Variants in CD247 observed in about 807,000 individuals in gnomAD.
The protein encoded by CD247 is CD247 molecule.
A neutral mutation model predicts 30.0 loss-of-function variants in CD247; 13 were observed. That is an observed-to-expected ratio of 0.43 (90% CI 0.28 to 0.69). The LOEUF (loss-of-function observed/expected upper bound fraction) is 0.69. Among genes scored for constraint, CD247 ranks in the 30% least tolerant of loss-of-function variants. The pLI is 0.16. For synonymous variants in CD247, 72 were observed against 80.0 expected, an observed-to-expected ratio of 0.90 and a Z score of 0.53; for missense variants, 193 against 212.6, an observed-to-expected ratio of 0.91 and a Z score of 0.57.
Position 167,482,008 on chromosome 1 carries a change from C to T in CD247, c.58+36400G>A, listed in dbSNP as rs988441974. Among the ~76,000 whole-genome samples the T allele has an allele frequency of 9.8e-5, 15 of 152,324 alleles. No individual in the cohort carries two copies. In the East Asian group the frequency reaches 2.9e-3, roughly 29 times the overall value. On this transcript the variant is annotated intron_variant, in intron 1 of 7. Transcript: ENST00000362089. Reference sequence around the variant, plus strand: ...CCCTGCCTAAGAACCTGCCCACTCCCTCTTCTGCCTCTCAACCAAGACTTC... The same window carrying T: ...CCCTGCCTAAGAACCTGCCCACTCCTTCTTCTGCCTCTCAACCAAGACTTC...
chr1:167,518,095 T>TGGGCCTGCCTC (rs1388796693), intron 1 of CD247, among the ~76,000 whole-genome samples: 2 of 152,166 alleles, frequency 1.3e-5, no homozygotes, highest in African/African-American at 4.8e-5. Context: ...TCCCTCTCCG[T>TGGGCCTGCCTC]TTCTCTACCC....
intron 4 of CD247, among the ~76,000 whole-genome samples, chr1:167,435,848 C>T (rs1476626970): frequency 6.6e-6 from 1 of 152,236 alleles, no homozygotes; most frequent in Non-Finnish European, 1.5e-5. Context: ...CTAGTCCTGA[C>T]AAGAGGAGAG....
rs1327804991 is a variant in CD247, at chr1:167,505,534, G to A, written c.58+12874C>T. Among the ~76,000 whole-genome samples the A allele has an allele frequency of 3.3e-5, 5 of 152,250 alleles. No homozygotes were observed. The East Asian group carries it at 7.7e-4, about 23-fold the overall frequency. On this transcript the variant is annotated intron_variant, in intron 1 of 7. Transcript: ENST00000362089. ...AGGCTAAATTCATCTTCTCTGGAAG[G>A]CAGCATGAGTGCAGCTCATGTGGGG...
At chr1:167,504,418 C>T (rs1427609967) in intron 1 of CD247, among the ~76,000 whole-genome samples, 5 of 152,218 alleles carry the variant, frequency 3.3e-5, no homozygotes, top group East Asian at 1.9e-4. Context: ...TGAATTAATG[C>T]GCAGCTATGT....
chr1:167,440,629 C>A (rs1651782604), intron 2 of CD247, 35 bp downstream of exon 2: 1 of 1,434,480 alleles, frequency 7.0e-7, no homozygotes, highest in Non-Finnish European at 9.8e-7. Context: ...AGTGGGGGAC[C>A]CCGTGCCCTC....
chr1:167,517,020 C>A lies in CD247; in HGVS notation c.58+1388G>T, dbSNP rs34383879. On this transcript the variant is annotated intron_variant, in intron 1 of 7. Coordinates refer to ENST00000362089, the MANE Select transcript of CD247 (RefSeq NM_198053.3). ...CAAGCCTGAAGCTCAGAGGCTGGAG[C>A]TATTGCCCCTGGCTGTCTCCCCTGA... is the stretch of plus-strand genomic sequence containing the variant. Among the ~76,000 whole-genome samples, 648 of 152,320 alleles carry A rather than the reference C, an allele frequency of 4.3e-3. 3 individuals carry two copies. Among genetic ancestry groups the A allele is most frequent in the African/African-American group, 0.015 (616 of 41,574 alleles).
At position 167,453,870 on chromosome 1, in the gene CD247, C is replaced by T. The variant is rs766332831; in HGVS notation, c.59-13103G>A. 3.3e-5 allele frequency among the ~76,000 whole-genome samples: 5 copies of T among 152,160 alleles called. No individual in the cohort carries two copies. The East Asian group carries it at 5.8e-4, about 18-fold the overall frequency. On this transcript the variant is annotated intron_variant, in intron 1 of 7. Transcript: ENST00000362089. ...AGCCCCCTCCTCCGGAGGCTTAGGT[C>T]GGAGGATCACCTGAGCCCAAGAGGT...
intron 4 of CD247, among the ~76,000 whole-genome samples, chr1:167,436,262 A>T (rs1482349444): frequency 6.6e-6 from 1 of 152,224 alleles, no homozygotes; most frequent in East Asian, 1.9e-4. Flanking sequence ...AAAATTTAAC[A>T]TCCTTTCATG....
intron 1 of CD247, among the ~76,000 whole-genome samples, chr1:167,482,455 A>C (rs1654012625): frequency 6.6e-6 from 1 of 152,190 alleles, no homozygotes; most frequent in Non-Finnish European, 1.5e-5. Context: ...GGTGGAGTGA[A>C]CGTCTTTCCT....
intron 1 of CD247, among the ~76,000 whole-genome samples, chr1:167,451,703 A>G (rs1652357634): frequency 6.6e-6 from 1 of 152,196 alleles, no homozygotes; most frequent in African/African-American, 2.4e-5. Flanking sequence ...CTAACTCCCA[A>G]CACCTCAGAA....
At chr1:167,434,150 G>A in intron 5 of CD247, 74 bp from the exon 6 acceptor site, 2 of 1,404,680 alleles carry the variant, frequency 1.4e-6, no homozygotes, top group Non-Finnish European at 2.0e-6. Flanking sequence ...ACAACAGGAA[G>A]CTTCTTGATC....
At chr1:167,491,941 A>G (rs1242581448) in intron 1 of CD247, among the ~76,000 whole-genome samples, 2 of 152,188 alleles carry the variant, frequency 1.3e-5, no homozygotes, top group Non-Finnish European at 2.9e-5. Flanking sequence ...GACAAAAAGT[A>G]GAATAGTGGT....
At chr1:167,437,590 T>A (rs905149677) in intron 4 of CD247, among the ~76,000 whole-genome samples, 2 of 152,168 alleles carry the variant, frequency 1.3e-5, no homozygotes, top group African/African-American at 4.8e-5. Flanking sequence ...GAGACCATTA[T>A]GCCAAGTGAA....
chr1:167,473,429 T>C (rs1375682965), intron 1 of CD247, among the ~76,000 whole-genome samples: 1 of 152,180 alleles, frequency 6.6e-6, no homozygotes, highest in East Asian at 1.9e-4. Context: ...CACAGGCTAC[T>C]AGGAGAAATG....
In CD247 at chr1:167,431,470, C is replaced by T. The variant is rs867950084; in HGVS notation, c.*211G>A. 2.2e-5 allele frequency: 14 copies of T among 631,012 alleles called. No homozygotes were observed. Among genetic ancestry groups the T allele is most frequent in the Non-Finnish European group, 2.3e-5 (8 of 349,658 alleles). The allele number at this position is 631,012 out of a possible 1,614,324, so 39.1% of individuals were successfully genotyped here. A position where few individuals can be genotyped will look rare whatever the true frequency, so the allele number is the denominator to read the frequency against. On this transcript the variant is annotated 3_prime_UTR_variant, in exon 8 of 8. Coordinates refer to ENST00000362089, the MANE Select transcript of CD247 (RefSeq NM_198053.3). ...AAACCAGAGGGCCCAAGGCCAGGGC[C>T]GTAAGCCCTGGGAGTACACTCCCTT...
At chr1:167,434,502 C>T (rs1456138414) in intron 5 of CD247, 1 of 354,036 alleles carries the variant, frequency 2.8e-6, no homozygotes, top group African/African-American at 2.1e-5. Flanking sequence ...GGAGGCATCT[C>T]CTTCACAGAA....
intron 4 of CD247, among the ~76,000 whole-genome samples, chr1:167,437,538 A>G (rs1014524205): frequency 2.0e-5 from 3 of 152,262 alleles, no homozygotes; most frequent in Non-Finnish European, 4.4e-5. Flanking sequence ...AGCTTTTAAA[A>G]AGGAAGAAAT....
chr1:167,460,823 T>G (rs1013951307), intron 1 of CD247, among the ~76,000 whole-genome samples: 2 of 152,104 alleles, frequency 1.3e-5, no homozygotes, highest in African/African-American at 4.8e-5. Context: ...CTCGGGGAGT[T>G]ATCTCTGAGT....
At chr1:167,464,703 C>A (rs1335627398) in intron 1 of CD247, among the ~76,000 whole-genome samples, 1 of 152,192 alleles carries the variant, frequency 6.6e-6, no homozygotes, top group African/African-American at 2.4e-5. Context: ...AAAGGATCTA[C>A]AGAGAATTTT....
Sources: gnomAD v4.1 joint callset for allele counts (sites outside exome capture counted in the v4.1 genomes callset) on GRCh38, gnomAD v4.1.1 for gene constraint, MANE v1.5 for transcripts, NCBI Gene and HGNC (gene_info 2026-07-23, HGNC 2026-07-21) for gene names.